FANCD2: variants seen among roughly 807,000 people sequenced by gnomAD.
FANCD2 encodes the protein FA complementation group D2, also known as Fanconi anemia group D2 protein.
In FANCD2, 131 loss-of-function variants were observed where a neutral mutation model predicts 192.3. The ratio of observed to expected loss-of-function variants is 0.68; its 90% CI spans 0.59 to 0.79. FANCD2 has a LOEUF of 0.79. FANCD2 is among the 30% of genes least tolerant of loss of function. The pLI is 0.00. For synonymous variants in FANCD2, 524 were observed against 612.5 expected, an observed-to-expected ratio of 0.86 and a Z score of 2.13; for missense variants, 1,508 against 1,701.6, an observed-to-expected ratio of 0.89 and a Z score of 2.00.
At chr3:10,070,755 T>C (rs372617424) in intron 26 of FANCD2, among the ~76,000 whole-genome samples, 38 of 145,414 alleles carry the variant, frequency 2.6e-4, no homozygotes, top group African/African-American at 7.6e-4. Context: ...GAAGTAGACA[T>C]GGGAGACTTT....
intron 26 of FANCD2, 87 bp from the exon 27 acceptor site, chr3:10,072,784 T>C (rs1693327940): frequency 1.3e-6 from 1 of 798,578 alleles, no homozygotes; most frequent in Non-Finnish European, 2.2e-6. Flanking sequence ...TGGAAACTAG[T>C]TTTTAGCCAA....
chr3:10,056,622 C>T (rs1469744369), intron 18 of FANCD2, among the ~76,000 whole-genome samples: 1 of 152,112 alleles, frequency 6.6e-6, no homozygotes, highest in Non-Finnish European at 1.5e-5. Flanking sequence ...GCCTGGAAAT[C>T]CTGTGCTTAA....
At chr3:10,099,020 G>C in intron 43 of FANCD2, 1 of 1,611,984 alleles carries the variant, frequency 6.2e-7, no homozygotes, top group Non-Finnish European at 8.5e-7. Flanking sequence ...TCACTCCTGA[G>C]TATCTCGAGT....
At chr3:10,099,024 C>G in intron 43 of FANCD2, 1 of 1,611,550 alleles carries the variant, frequency 6.2e-7, no homozygotes, top group Non-Finnish European at 8.5e-7. Context: ...TCCTGAGTAT[C>G]TCGAGTTGTG....
intron 11 of FANCD2, 46 bp from the exon 12 acceptor site, chr3:10,043,004 C>A: frequency 1.3e-6 from 2 of 1,496,952 alleles, no homozygotes; most frequent in Non-Finnish European, 1.9e-6. Context: ...TGTGCCTACC[C>A]ACTATGAATG....
intron 33 of FANCD2, among the ~76,000 whole-genome samples, 170 bp downstream of exon 33, chr3:10,086,092 G>C (rs923309974): frequency 6.6e-6 from 1 of 152,184 alleles, no homozygotes; most frequent in Non-Finnish European, 1.5e-5. Flanking sequence ...GATAAATCCT[G>C]AAGTATTAGA....
chr3:10,083,770 C>G (rs1188332925), intron 32 of FANCD2: 1 of 151,460 alleles, frequency 6.6e-6, no homozygotes, highest in Non-Finnish European at 1.5e-5. Context: ...CGCCTGTAGT[C>G]CCAGCTACTC....
intron 25 of FANCD2, among the ~76,000 whole-genome samples, chr3:10,066,185 A>G (rs1435922666): frequency 6.6e-6 from 1 of 152,168 alleles, no homozygotes; most frequent in African/African-American, 2.4e-5. Flanking sequence ...CACATTGCCC[A>G]TGCTTTATTT....
chr3:10,088,124 G>C (rs1294153300), intron 34 of FANCD2, among the ~76,000 whole-genome samples: 2 of 152,178 alleles, frequency 1.3e-5, no homozygotes, highest in Admixed American at 6.5e-5. Flanking sequence ...GCCAGCCCAG[G>C]AGGAACAAGA....
intron 6 of FANCD2, among the ~76,000 whole-genome samples, 182 bp from the exon 7 acceptor site, chr3:10,036,105 T>TTTTTG (rs2086724568): frequency 6.8e-6 from 1 of 146,788 alleles, no homozygotes; most frequent in Admixed American, 6.7e-5. Context: ...TTTTTTTTTT[T>TTTTTG]GAGTCAGAGT....
intron 17 of FANCD2, among the ~76,000 whole-genome samples, chr3:10,051,409 AAAAAGGAGT>A (rs1186825509): frequency 0.083 from 266 of 3,214 alleles, 34 homozygotes; most frequent in African/African-American, 0.19. Flanking sequence ...AAAAAAAAAC[AAAAAGGAGT>A]GAGGGATTTA....
intron 20 of FANCD2, among the ~76,000 whole-genome samples, chr3:10,062,820 G>A (rs1252184452): frequency 6.6e-6 from 1 of 152,020 alleles, no homozygotes; most frequent in African/African-American, 2.4e-5. Context: ...CAAGTAGCTG[G>A]GATCACAGGC....
rs756659872 is a variant in FANCD2, at chr3:10,039,295, A to G, written c.508A>G (p.Ile170Val). ...ACATTTTAGCAAGAACAGTGATGAA[A>G]TCAACATACCTCGACTCATTGTCAG... ...YFFENKNSDEINIPRLIVSQL... is the reference protein window; with the variant it reads ...YFFENKNSDEVNIPRLIVSQL... The change falls in exon 8 of 44, where the codon ATC (isoleucine) becomes GTC (valine). Residue 170 changes from isoleucine (I) to valine (V), a missense_variant. By Grantham distance (29) the Ile-to-Val change is conservative (BLOSUM62 3). Transcript: ENST00000675286. 1.9e-6 allele frequency: 3 copies of G among 1,613,758 alleles called. No individual in the cohort carries two copies. The highest frequency in any genetic ancestry group is 3.3e-5 in the Admixed American group (2 of 59,998).
chr3:10,081,056 G>T (rs752053879), intron 30 of FANCD2, 44 bp from the exon 31 acceptor site: 2 of 1,612,620 alleles, frequency 1.2e-6, no homozygotes, highest in Non-Finnish European at 1.7e-6. Flanking sequence ...TTTCTGAGAC[G>T]CTATCCAGCA....
chr3:10,068,014 C>T (rs2087768533), intron 26 of FANCD2, among the ~76,000 whole-genome samples: 1 of 152,042 alleles, frequency 6.6e-6, no homozygotes, highest in African/African-American at 2.4e-5. Flanking sequence ...GGGTATAGAT[C>T]CATAGCTACT....
At chr3:10,093,628 A>G (rs561308300) in intron 39 of FANCD2, among the ~76,000 whole-genome samples, 1 of 152,000 alleles carries the variant, frequency 6.6e-6, no homozygotes, top group South Asian at 2.1e-4. Flanking sequence ...AAAAGGGAGG[A>G]AGGAGGAGTA....
chr3:10,095,002 C>A, intron 40 of FANCD2, 198 bp from the exon 41 acceptor site: 1 of 609,536 alleles, frequency 1.6e-6, no homozygotes, highest in Non-Finnish European at 3.0e-6. Context: ...CAGATTGATA[C>A]AAGGGACAGA....
intron 28 of FANCD2, among the ~76,000 whole-genome samples, chr3:10,074,273 T>C (rs1214675468): frequency 6.6e-6 from 1 of 152,152 alleles, no homozygotes; most frequent in Admixed American, 6.6e-5. Context: ...TAGACCTAAA[T>C]GCCTTGATTT....
intron 41 of FANCD2, among the ~76,000 whole-genome samples, chr3:10,095,537 G>T (rs1356518267): frequency 6.6e-6 from 1 of 152,180 alleles, no homozygotes; most frequent in Non-Finnish European, 1.5e-5. Flanking sequence ...TAGAATGCTG[G>T]TATATGTTTA....
Sources: allele counts gnomAD v4.1 joint callset (sites outside exome capture counted in the v4.1 genomes callset), GRCh38; gene constraint gnomAD v4.1.1; transcripts MANE v1.5; gene names NCBI Gene and HGNC (gene_info 2026-07-23, HGNC 2026-07-21).